The following TSC22D1 variants were observed in gnomAD, a reference collection of about 807,000 sequenced individuals.
TSC22D1 encodes the protein TSC22 domain family protein 1.
A neutral mutation model predicts 74.2 loss-of-function variants in TSC22D1; 9 were observed. The observed-to-expected ratio is 0.12, with a 90% confidence interval of 0.07 to 0.21. TSC22D1 has a LOEUF of 0.21. Among genes scored for constraint, TSC22D1 ranks in the 10% least tolerant of loss-of-function variants. The probability of loss-of-function intolerance (pLI) is 1.00; values close to 1 mark genes in which losing one functional copy is unlikely to be tolerated. For missense variants in TSC22D1, 1,427 were observed against 1,304.7 expected, an observed-to-expected ratio of 1.09 and a Z score of -1.44; for synonymous variants, 586 against 492.5, an observed-to-expected ratio of 1.19 and a Z score of -2.51.
Position 44,575,848 on chromosome 13 carries a change from C to T in TSC22D1, c.227G>A (p.Gly76Glu). The change falls in exon 1 of 3, where the codon GGA (glycine) becomes GAA (glutamate). Residue 76 changes from glycine to glutamate, a missense_variant. Physicochemically the swap from Gly to Glu is moderately conservative, Grantham distance 98 (BLOSUM62 -2). Coordinates refer to ENST00000458659, the MANE Select transcript of TSC22D1 (RefSeq NM_183422.4). ...PPPPAASSTS[G>E]PQPPPPQSLN... ...GCTTTGTGGAGGCGGAGGCTGTGGT[C>T]CCGACGTAGAAGATGCTGCAGGGGG... The T allele has an allele frequency of 6.2e-7, 1 of 1,613,876 alleles. No homozygotes were observed. Among genetic ancestry groups the T allele is most frequent in the Admixed American group, 1.7e-5 (1 of 60,002 alleles).
chr13:44,529,955 T>C (rs748128627), intron 1 of TSC22D1, among the ~76,000 whole-genome samples: 14 of 152,118 alleles, frequency 9.2e-5, no homozygotes, highest in Non-Finnish European at 1.8e-4. Flanking sequence ...ATTCCATGTT[T>C]ATAGATAGGA....
intron 1 of TSC22D1, among the ~76,000 whole-genome samples, chr13:44,500,369 T>C (rs1452011971): frequency 6.6e-6 from 1 of 152,204 alleles, no homozygotes; most frequent in Admixed American, 6.5e-5. Context: ...GGCCTCCAAA[T>C]GTTACAGGAG....
intron 1 of TSC22D1, among the ~76,000 whole-genome samples, chr13:44,478,764 AAG>A (rs1316141532): frequency 1.3e-5 from 2 of 152,164 alleles, no homozygotes; most frequent in Non-Finnish European, 2.9e-5. Flanking sequence ...GCCACCCAGC[AAG>A]AGAGCCCAGT....
chr13:44,530,663 CAAAAAA>C (rs57089792), intron 1 of TSC22D1, among the ~76,000 whole-genome samples: 1 of 129,974 alleles, frequency 7.7e-6, no homozygotes, highest in African/African-American at 2.8e-5. Context: ...TCTTAAAACT[CAAAAAA>C]AAAAAACAAA....
At chr13:44,438,849 T>C (rs760408547) in intron 1 of TSC22D1, among the ~76,000 whole-genome samples, 5 of 152,162 alleles carry the variant, frequency 3.3e-5, no homozygotes, top group Admixed American at 6.5e-5. Flanking sequence ...AAGTTAAAGT[T>C]ATACCTAAAA....
chr13:44,513,953 T>G (rs551276152), intron 1 of TSC22D1, among the ~76,000 whole-genome samples: 1 of 152,314 alleles, frequency 6.6e-6, no homozygotes, highest in East Asian at 1.9e-4. Flanking sequence ...GTAGAAAAGT[T>G]GCTAAAAGTT....
At chr13:44,559,539 T>C (rs961194788) in intron 1 of TSC22D1, among the ~76,000 whole-genome samples, 34 of 152,226 alleles carry the variant, frequency 2.2e-4, no homozygotes, top group African/African-American at 7.7e-4. Context: ...ACTTTTTTTT[T>C]CTTGAGACAG....
At chr13:44,472,378 CAT>C (rs1290212150) in intron 1 of TSC22D1, among the ~76,000 whole-genome samples, 3 of 151,718 alleles carry the variant, frequency 2.0e-5, no homozygotes, top group East Asian at 3.9e-4. Context: ...CCTTTTTTTT[CAT>C]ATGAGACAGC....
chr13:44,509,048 C>T lies in TSC22D1; in HGVS notation c.2912+64115G>A, dbSNP rs186310203. On this transcript the variant is annotated intron_variant, in intron 1 of 2. Coordinates refer to ENST00000458659, the MANE Select transcript of TSC22D1 (RefSeq NM_183422.4). ...AAAATTAATGTTAATAAGCCATACT[C>T]ATTGAATGAAGAACTCTGAATTATT... Among the ~76,000 whole-genome samples the T allele has an allele frequency of 2.8e-4, 42 of 152,260 alleles. No homozygotes were observed. The East Asian group carries it at 6.2e-3, about 22-fold the overall frequency.
chr13:44,505,016 G>A (rs1879383201), intron 1 of TSC22D1, among the ~76,000 whole-genome samples: 1 of 152,168 alleles, frequency 6.6e-6, no homozygotes, highest in Admixed American at 6.5e-5. Context: ...CTCCATTGCA[G>A]GCAAATTTTT....
chr13:44,433,734 G>C lies in TSC22D1; in HGVS notation c.*892C>G, dbSNP rs15121. The C allele has an allele frequency of 9.5e-3, 4,566 of 482,142 alleles. 37 individuals are homozygous for C. The highest frequency in any genetic ancestry group is 0.013 in the Non-Finnish European group (3,582 of 277,526). 29.9% of individuals were successfully genotyped at this position (482,142 alleles called of 1,614,324 possible). A position where few individuals can be genotyped will look rare whatever the true frequency, so the allele number is the denominator to read the frequency against. On this transcript the variant is annotated 3_prime_UTR_variant, in exon 3 of 3. Coordinates refer to ENST00000458659, the MANE Select transcript of TSC22D1 (RefSeq NM_183422.4). ...ACCAGCTCAATTGAAAGACTTCAGTGAACAAGGATTTACTTCAGCGTATTC... is the reference window on the plus strand; with the variant it reads ...ACCAGCTCAATTGAAAGACTTCAGTCAACAAGGATTTACTTCAGCGTATTC...
intron 1 of TSC22D1, among the ~76,000 whole-genome samples, chr13:44,553,201 G>C (rs780838474): frequency 6.6e-6 from 1 of 152,102 alleles, no homozygotes; most frequent in Non-Finnish European, 1.5e-5. Flanking sequence ...TCAGTAACAG[G>C]TATTATATGA....
chr13:44,530,324 G>T (rs1051298917), intron 1 of TSC22D1, among the ~76,000 whole-genome samples: 4 of 152,178 alleles, frequency 2.6e-5, no homozygotes, highest in South Asian at 4.1e-4. Context: ...AATGGTGCTG[G>T]AACAACTGGA....
chr13:44,478,600 T>C (rs1028219970), intron 1 of TSC22D1, among the ~76,000 whole-genome samples: 6 of 152,226 alleles, frequency 3.9e-5, no homozygotes, highest in African/African-American at 1.4e-4. Context: ...ACATTTTTCA[T>C]GCATAGCAAT....
intron 1 of TSC22D1, among the ~76,000 whole-genome samples, chr13:44,466,661 T>C (rs1307330710): frequency 1.3e-5 from 2 of 151,944 alleles, no homozygotes; most frequent in East Asian, 3.9e-4. Context: ...CCCCAGCTAC[T>C]TGGGAGGCTG....
chr13:44,569,534 G>A (rs887950271), intron 1 of TSC22D1, among the ~76,000 whole-genome samples: 2 of 151,846 alleles, frequency 1.3e-5, no homozygotes, highest in East Asian at 1.9e-4. Context: ...TTATAATTTC[G>A]TATTTTAGTT....
At chr13:44,468,619 G>A (rs370006538) in intron 1 of TSC22D1, among the ~76,000 whole-genome samples, 1 of 149,584 alleles carries the variant, frequency 6.7e-6, no homozygotes, top group African/African-American at 2.4e-5. Flanking sequence ...GTAATTTTTT[G>A]AGGTAGCTGG....
intron 1 of TSC22D1, among the ~76,000 whole-genome samples, chr13:44,492,610 T>C (rs773563141): frequency 6.6e-6 from 1 of 152,130 alleles, no homozygotes; most frequent in Non-Finnish European, 1.5e-5. Context: ...CTTTGGAGTC[T>C]GCTTTGTTTT....
chr13:44,576,033 AGCGGCGGCGGCC>A lies in TSC22D1; in HGVS notation c.30_41del (p.Ala12_Ala15del), dbSNP rs1251263508. Reference sequence around the variant, plus strand: ...CCATCTTCCTAGCGCTAATGTCTGCAGCGGCGGCGGCCGCGGCGGTGGACTCAGGCGGCTGGT... The same window carrying A: ...CCATCTTCCTAGCGCTAATGTCTGCAGCGGCGGTGGACTCAGGCGGCTGGT... On this transcript the variant is annotated inframe_deletion, in exon 1 of 3. Transcript: ENST00000458659. 2.5e-6 allele frequency: 4 copies of A among 1,579,550 alleles called. No homozygotes were observed. The highest frequency in any genetic ancestry group is 1.1e-5 in the South Asian group (1 of 87,634).
Sources: gnomAD v4.1 joint callset for allele counts (sites outside exome capture counted in the v4.1 genomes callset) on GRCh38, gnomAD v4.1.1 for gene constraint, MANE v1.5 for transcripts, NCBI Gene and HGNC (gene_info 2026-07-23, HGNC 2026-07-21) for gene names.